Variants in PHYH observed in about 807,000 individuals in gnomAD.
PHYH encodes the protein phytanoyl-CoA 2-hydroxylase.
A neutral mutation model predicts 38.5 loss-of-function variants in PHYH; 32 were observed. The observed-to-expected ratio is 0.83, with a 90% confidence interval of 0.63 to 1.12. PHYH has a LOEUF of 1.12. Ranked by LOEUF, PHYH falls within the 50% of genes most tolerant of loss-of-function variation. The probability of loss-of-function intolerance (pLI) is 0.00; values close to 1 mark genes in which losing one functional copy is unlikely to be tolerated. For synonymous variants in PHYH, 166 were observed against 157.9 expected, an observed-to-expected ratio of 1.05 and a Z score of -0.38; for missense variants, 426 against 434.8, an observed-to-expected ratio of 0.98 and a Z score of 0.18.
chr10:13,288,922 CAAAAAAAAAAAA>C lies in PHYH; in HGVS notation c.497-393_497-382del, dbSNP rs36019637. ...CGAGTCCCTGTCCCCCACCCCCAAC[CAAAAAAAAAAAA>C]AAAAAAAAAAAAAAGCTGGTCTCAG... On this transcript the variant is annotated intron_variant, in intron 5 of 8. Transcript: ENST00000263038. Among the ~76,000 whole-genome samples, 3 of 40,902 alleles carry C rather than the reference CAAAAAAAAAAAA, an allele frequency of 7.3e-5. 1 individual carries two copies. Among genetic ancestry groups the C allele is most frequent in the East Asian group, 1.0e-3 (1 of 992 alleles). The allele number at this position is 40,902 out of a possible 152,430, so 26.8% of individuals were successfully genotyped here.
At chr10:13,291,803 A>G (rs189938712) in intron 5 of PHYH, 28 bp downstream of exon 5, 1 of 1,470,930 alleles carries the variant, frequency 6.8e-7, no homozygotes, top group East Asian at 2.3e-5. Context: ...TAATGAAACC[A>G]TTTTTTTTTC....
chr10:13,288,544 G>A lies in PHYH; in HGVS notation c.497-3C>T, dbSNP rs750706743. On this transcript the variant is annotated splice_region_variant and splice_polypyrimidine_tract_variant and intron_variant, in intron 5 of 8. Coordinates refer to ENST00000263038, the MANE Select transcript of PHYH (RefSeq NM_006214.4). ...GGGGTGACGGGACGTCTTCTTGCCT[G>A]AAAAGAAAACCTGCTACTAAAGGAT... 19 of 1,613,880 alleles carry A rather than the reference G, an allele frequency of 1.2e-5. No individual in the cohort carries two copies. Among genetic ancestry groups the A allele is most frequent in the Non-Finnish European group, 1.6e-5 (19 of 1,179,972 alleles).
intron 5 of PHYH, among the ~76,000 whole-genome samples, chr10:13,290,132 A>G (rs1460074438): frequency 6.8e-6 from 1 of 146,966 alleles, no homozygotes; most frequent in African/African-American, 2.5e-5. Flanking sequence ...AAAAAAAAAA[A>G]AAAAAAAAAA....
rs75791134 is a variant in PHYH at position 13,299,270 on chromosome 10, T to C, written c.75+698A>G. On this transcript the variant is annotated intron_variant, in intron 1 of 8. Coordinates refer to ENST00000263038, the MANE Select transcript of PHYH (RefSeq NM_006214.4). ...GGTTACTTTCGGAATGTCACTCTCA[T>C]CAATTAACATGTTATCCTTTCTTTC... is the stretch of plus-strand genomic sequence containing the variant. 54 of 193,176 alleles carry C rather than the reference T, an allele frequency of 2.8e-4. 1 individual carries two copies. In the East Asian group the frequency reaches 8.5e-3, roughly 30 times the overall value. The allele number at this position is 193,176 out of a possible 1,614,324, so 12.0% of individuals were successfully genotyped here.
chr10:13,286,895 G>A (rs4750341), intron 6 of PHYH, among the ~76,000 whole-genome samples: 41,433 of 152,000 alleles, frequency 0.27, 5,728 homozygotes, highest in South Asian at 0.35. Context: ...GCCTAGAGCA[G>A]GGAGAAGGAT....
chr10:13,288,646 G>T, intron 5 of PHYH, 105 bp from the exon 6 acceptor site: 1 of 1,159,432 alleles, frequency 8.6e-7, no homozygotes, highest in Non-Finnish European at 1.3e-6. Flanking sequence ...AAAGTGGGAG[G>T]CTGAGGCAGA....
intron 2 of PHYH, among the ~76,000 whole-genome samples, chr10:13,296,673 G>T (rs547696581): frequency 2.0e-5 from 3 of 150,416 alleles, no homozygotes; most frequent in African/African-American, 7.3e-5. Flanking sequence ...CCATATAATA[G>T]TATGGATGGC....
At chr10:13,286,498 C>T (rs902594767) in intron 6 of PHYH, among the ~76,000 whole-genome samples, 1 of 151,952 alleles carries the variant, frequency 6.6e-6, no homozygotes, top group Non-Finnish European at 1.5e-5. Flanking sequence ...GTCAGGAGAT[C>T]GAGACCATCC....
intron 8 of PHYH, among the ~76,000 whole-genome samples, chr10:13,279,262 T>A (rs2131628331): frequency 6.6e-6 from 1 of 152,274 alleles, no homozygotes; most frequent in South Asian, 2.1e-4. Flanking sequence ...ACACCCAAAG[T>A]GCTGGGATTA....
In PHYH at chr10:13,288,528, G is replaced by A. The variant is rs1373098646; in HGVS notation, c.510C>T (p.Ser170=). The change falls in exon 6 of 9, where the codon TCC becomes TCT. Residue 170 remains serine, a synonymous_variant. Coordinates refer to ENST00000263038, the MANE Select transcript of PHYH (RefSeq NM_006214.4). ...NKPPDSGKKT[S]RHPLHQDLHY... ...GCAGGTCCTGGTGCAGGGGGTGACG[G>A]GACGTCTTCTTGCCTGAAAAGAAAA... 1 of 1,613,982 alleles carries A rather than the reference G, an allele frequency of 6.2e-7. No homozygotes were observed. The highest frequency in any genetic ancestry group is 1.3e-5 in the African/African-American group (1 of 74,912).
At chr10:13,292,241 GT>G (rs1303809324) in intron 4 of PHYH, among the ~76,000 whole-genome samples, 1 of 152,192 alleles carries the variant, frequency 6.6e-6, no homozygotes, top group Non-Finnish European at 1.5e-5. Context: ...TGGGAGGGCA[GT>G]TTCCTCTTCC....
chr10:13,291,597 A>G, intron 5 of PHYH: 2 of 520,610 alleles, frequency 3.8e-6, no homozygotes, highest in Non-Finnish European at 6.9e-6. Flanking sequence ...CTCCCACCTC[A>G]GCCTTCCAAT....
chr10:13,292,809 G>A (rs1175501059), intron 4 of PHYH, among the ~76,000 whole-genome samples: 3 of 151,588 alleles, frequency 2.0e-5, no homozygotes, highest in South Asian at 2.1e-4. Flanking sequence ...GGCACACGTC[G>A]GTAATCCCAG....
chr10:13,291,104 C>CAAAAAAAAAAA (rs367712215), intron 5 of PHYH, among the ~76,000 whole-genome samples: 27 of 76,368 alleles, frequency 3.5e-4, no homozygotes, highest in Non-Finnish European at 4.3e-4. Flanking sequence ...AACTCCATCT[C>CAAAAAAAAAAA]AAAAAAAAAA....
At position 13,298,217 on chromosome 10, in the gene PHYH, G is replaced by A; in HGVS notation, c.104C>T (p.Ser35Phe). ...TTGTTGAGGATGGAAACTGGCAGAG[G>A]AAATAGTCCCTGAAGTGGGATGAGC... ...VVAHPTSGTI[S>F]SASFHPQQFQ... The change falls in exon 2 of 9, where the codon TCC becomes TTC. Residue 35 changes from serine to phenylalanine, a missense_variant. Coordinates refer to ENST00000263038, the MANE Select transcript of PHYH (RefSeq NM_006214.4). The A allele has an allele frequency of 6.2e-7, 1 of 1,606,998 alleles. No homozygotes were observed. The highest frequency in any genetic ancestry group is 8.5e-7 in the Non-Finnish European group (1 of 1,173,584).
chr10:13,280,880 C>A, intron 8 of PHYH, 96 bp downstream of exon 8: 1 of 1,189,578 alleles, frequency 8.4e-7, no homozygotes, highest in South Asian at 1.2e-5. Context: ...AACCCAAGCA[C>A]TATATACTGT....
In PHYH at chr10:13,281,103, GA is replaced by G; in HGVS notation, c.835del (p.Ser279ProfsTer14). 1 of 1,614,212 alleles carries G rather than the reference GA, an allele frequency of 6.2e-7. No homozygotes were observed. The highest frequency in any genetic ancestry group is 1.1e-5 in the South Asian group (1 of 91,086). Reference protein sequence around the residue: ...NKTQGFRKAISCHFASADCHY... With the variant: ...NKTQGFRKAIXCHFASADCHY... Reference sequence around the variant, plus strand: ...GCAATCGGCACTGGCGAAATGGCAGGAAATTGCCTGTGCAAAGTGAACAAAT... The same window carrying G: ...GCAATCGGCACTGGCGAAATGGCAGGAATTGCCTGTGCAAAGTGAACAAAT... On this transcript the variant is annotated frameshift_variant, in exon 8 of 9. Coordinates refer to ENST00000263038, the MANE Select transcript of PHYH (RefSeq NM_006214.4). LOFTEE classifies it high-confidence loss of function.
rs548094310 is a variant in PHYH at position 13,287,328 on chromosome 10, A to C, written c.678+1032T>G. Among the ~76,000 whole-genome samples the C allele has an allele frequency of 1.6e-3, 244 of 149,418 alleles. 1 individual carries two copies. The highest frequency in any genetic ancestry group is 3.0e-3 in the Non-Finnish European group (203 of 67,444). On this transcript the variant is annotated intron_variant, in intron 6 of 8. Transcript: ENST00000263038. ...CACTCTAGCCTGGTGACAGAGTGAG[A>C]CTCCTCAAAAACAAAACAAAACAAA... is the stretch of plus-strand genomic sequence containing the variant.
chr10:13,294,833 G>T (rs959774041), intron 3 of PHYH: 17 of 533,244 alleles, frequency 3.2e-5, no homozygotes, highest in African/African-American at 3.0e-4. Context: ...TTTATAATTT[G>T]GTTACATTGT....
Sources: gnomAD v4.1 joint callset for allele counts (sites outside exome capture counted in the v4.1 genomes callset) on GRCh38, gnomAD v4.1.1 for gene constraint, MANE v1.5 for transcripts, NCBI Gene and HGNC (gene_info 2026-07-23, HGNC 2026-07-21) for gene names.